The following DPP10 variants were observed in gnomAD, a reference collection of about 807,000 sequenced individuals.
DPP10 encodes the protein inactive dipeptidyl peptidase 10.
DPP10 carries 33 observed loss-of-function variants against 120.9 expected under a neutral mutation model. The ratio of observed to expected loss-of-function variants is 0.27; its 90% CI spans 0.21 to 0.37. The LOEUF (loss-of-function observed/expected upper bound fraction) is 0.37, where lower values mean the gene tolerates loss of function less well. DPP10 is among the 10% of genes least tolerant of loss of function. DPP10 has a pLI of 1.00. For missense variants in DPP10, 816 were observed against 942.8 expected, an observed-to-expected ratio of 0.87 and a Z score of 1.76; for synonymous variants, 337 against 326.1, an observed-to-expected ratio of 1.03 and a Z score of -0.36.
At chr2:115,038,925 G>A (rs1260677909) in intron 1 of DPP10, among the ~76,000 whole-genome samples, 1 of 152,102 alleles carries the variant, frequency 6.6e-6, no homozygotes, top group Non-Finnish European at 1.5e-5. Context: ...TCAGATCACC[G>A]AAGCCCTTAA....
At chr2:114,688,758 T>C (rs552051431) in intron 1 of DPP10, among the ~76,000 whole-genome samples, 2 of 152,022 alleles carry the variant, frequency 1.3e-5, no homozygotes, top group East Asian at 1.9e-4. Flanking sequence ...TGGACTAGAA[T>C]AGAGGAGTTA....
chr2:114,615,839 G>A (rs1242497406), intron 1 of DPP10, among the ~76,000 whole-genome samples: 1 of 152,084 alleles, frequency 6.6e-6, no homozygotes, highest in Non-Finnish European at 1.5e-5. Flanking sequence ...CATTTATTGG[G>A]CATTTCCTAT....
At chr2:115,222,443 A>G (rs766869970) in intron 1 of DPP10, among the ~76,000 whole-genome samples, 12 of 152,232 alleles carry the variant, frequency 7.9e-5, no homozygotes, top group South Asian at 4.1e-4. Context: ...CTGATAATAC[A>G]TAAGTCTCAT....
At chr2:115,472,319 A>G (rs2074781513) in intron 3 of DPP10, among the ~76,000 whole-genome samples, 1 of 152,230 alleles carries the variant, frequency 6.6e-6, no homozygotes, top group Admixed American at 6.5e-5. Context: ...GGTCTGTGAC[A>G]GGACTGTCCA....
chr2:115,687,773 T>C (rs2091081983), intron 5 of DPP10, among the ~76,000 whole-genome samples: 1 of 152,046 alleles, frequency 6.6e-6, no homozygotes, highest in African/African-American at 2.4e-5. Context: ...CTATAAAAAA[T>C]AGTGCAGAAA....
At chr2:115,543,024 A>G (rs2079267151) in intron 5 of DPP10, among the ~76,000 whole-genome samples, 1 of 151,984 alleles carries the variant, frequency 6.6e-6, no homozygotes, top group Admixed American at 6.6e-5. Flanking sequence ...TAACTTTGGC[A>G]TGAGACGGGA....
At chr2:114,887,642 T>C (rs954902585) in intron 1 of DPP10, among the ~76,000 whole-genome samples, 4 of 152,194 alleles carry the variant, frequency 2.6e-5, no homozygotes, top group Non-Finnish European at 1.5e-5. Context: ...TTCAGAGTCT[T>C]AGTATCTAGG....
intron 17 of DPP10, among the ~76,000 whole-genome samples, chr2:115,787,867 C>T (rs62156294): frequency 1.9e-3 from 288 of 152,170 alleles, no homozygotes; most frequent in Non-Finnish European, 3.1e-3. Flanking sequence ...ATAGTAAAAA[C>T]GAATGACTAC....
intron 1 of DPP10, among the ~76,000 whole-genome samples, chr2:115,176,244 A>G (rs1230415984): frequency 6.7e-6 from 1 of 148,476 alleles, no homozygotes; most frequent in Non-Finnish European, 1.5e-5. Flanking sequence ...CTATTTATAT[A>G]TGTTGTATAT....
At chr2:115,573,484 G>A (rs1167885793) in intron 5 of DPP10, among the ~76,000 whole-genome samples, 1 of 150,808 alleles carries the variant, frequency 6.6e-6, no homozygotes, top group Non-Finnish European at 1.5e-5. Flanking sequence ...GGGTTTCACC[G>A]TGTTAGCCAG....
At chr2:115,133,431 G>C (rs1454359427) in intron 1 of DPP10, among the ~76,000 whole-genome samples, 1 of 151,756 alleles carries the variant, frequency 6.6e-6, no homozygotes, top group African/African-American at 2.4e-5. Flanking sequence ...GTTATTCATG[G>C]GCATTTAGAT....
chr2:115,791,642 C>G (rs766499202), intron 19 of DPP10, among the ~76,000 whole-genome samples: 9 of 152,142 alleles, frequency 5.9e-5, no homozygotes, highest in Non-Finnish European at 1.0e-4. Flanking sequence ...ATTACTCAAG[C>G]CCTGCGCTCT....
At chr2:115,652,921 A>G (rs1169761482) in intron 5 of DPP10, among the ~76,000 whole-genome samples, 2 of 151,976 alleles carry the variant, frequency 1.3e-5, no homozygotes, top group Non-Finnish European at 2.9e-5. Context: ...CTGACATGTA[A>G]AACTAACCAT....
chr2:115,583,854 C>T (rs762003666), intron 5 of DPP10, among the ~76,000 whole-genome samples: 3 of 152,150 alleles, frequency 2.0e-5, no homozygotes, highest in Non-Finnish European at 4.4e-5. Flanking sequence ...ACAGTCTGAA[C>T]TGTACAGCAA....
intron 1 of DPP10, among the ~76,000 whole-genome samples, chr2:114,698,859 A>G (rs78774822): frequency 1.3e-5 from 2 of 152,158 alleles, no homozygotes; most frequent in African/African-American, 2.4e-5. Flanking sequence ...TATTATGAAT[A>G]CTGTCTGTAT....
intron 19 of DPP10, among the ~76,000 whole-genome samples, chr2:115,813,452 C>G (rs566298314): frequency 1.3e-5 from 2 of 152,056 alleles, no homozygotes; most frequent in Non-Finnish European, 2.9e-5. Context: ...TAATGGGCAC[C>G]AGTCAGATTG....
At chr2:114,805,283 T>C (rs1298980003) in intron 1 of DPP10, among the ~76,000 whole-genome samples, 2 of 152,152 alleles carry the variant, frequency 1.3e-5, no homozygotes, top group Non-Finnish European at 2.9e-5. Flanking sequence ...GTACATTTAG[T>C]AGTTGCCCTT....
chr2:115,005,049 G>T (rs932536413), intron 1 of DPP10, among the ~76,000 whole-genome samples: 1 of 151,658 alleles, frequency 6.6e-6, no homozygotes, highest in South Asian at 2.1e-4. Context: ...TCCTCAAGTG[G>T]GTCCCTGACC....
chr2:115,435,288 A>T (rs955673879), intron 3 of DPP10, among the ~76,000 whole-genome samples: 1 of 151,764 alleles, frequency 6.6e-6, no homozygotes, highest in Admixed American at 6.6e-5. Context: ...TGGCTGTACT[A>T]ATTTACATTC....
Sources: gnomAD v4.1 joint callset for allele counts (sites outside exome capture counted in the v4.1 genomes callset) on GRCh38, gnomAD v4.1.1 for gene constraint, MANE v1.5 for transcripts, NCBI Gene and HGNC (gene_info 2026-07-23, HGNC 2026-07-21) for gene names.